LEMD2: variants seen among roughly 807,000 people sequenced by gnomAD.
LEMD2 encodes the protein LEM domain-containing protein 2.
A neutral mutation model predicts 58.8 loss-of-function variants in LEMD2; 34 were observed. The observed-to-expected ratio is 0.58, with a 90% CI of 0.44 to 0.77. The LOEUF (loss-of-function observed/expected upper bound fraction) is 0.77, where lower values mean the gene tolerates loss of function less well. Ranked by LOEUF, LEMD2 falls within the 30% of genes least tolerant of loss-of-function variation. The pLI is 0.00. For synonymous variants in LEMD2, 298 were observed against 308.9 expected, an observed-to-expected ratio of 0.96 and a Z score of 0.37; for missense variants, 629 against 717.9, an observed-to-expected ratio of 0.88 and a Z score of 1.42.
chr6:33,780,053 A>T, intron 5 of LEMD2, 47 bp downstream of exon 5: 1 of 1,466,150 alleles, frequency 6.8e-7, no homozygotes, highest in Non-Finnish European at 9.4e-7. Flanking sequence ...GAGCGAGGAC[A>T]GTGGTTGCAG....
intron 6 of LEMD2, among the ~76,000 whole-genome samples, chr6:33,777,814 T>C (rs1215261948): frequency 1.3e-5 from 2 of 152,338 alleles, no homozygotes; most frequent in Admixed American, 6.5e-5. Flanking sequence ...CCCTGAGTCC[T>C]TCTTGCTTTC....
intron 2 of LEMD2, 190 bp from the exon 3 acceptor site, chr6:33,784,617 C>G: frequency 3.7e-6 from 2 of 544,870 alleles, no homozygotes; most frequent in Non-Finnish European, 6.7e-6. Context: ...GGGTTAACTG[C>G]CTGAGAAAGA....
intron 8 of LEMD2, among the ~76,000 whole-genome samples, chr6:33,774,008 G>C (rs866824900): frequency 2.6e-5 from 4 of 152,168 alleles, no homozygotes; most frequent in Non-Finnish European, 5.9e-5. Flanking sequence ...GCAGCTCTGG[G>C]TATCTATGCT....
chr6:33,781,201 T>A (rs767654472), intron 3 of LEMD2, 48 bp from the exon 4 acceptor site: 1 of 1,198,976 alleles, frequency 8.3e-7, no homozygotes, highest in Non-Finnish European at 1.2e-6. Flanking sequence ...GAAAAATCAC[T>A]CTGAAACAGA....
chr6:33,771,632 G>C lies in LEMD2; in HGVS notation c.*996C>G, dbSNP rs996715214. 1 of 152,268 alleles carries C rather than the reference G, an allele frequency of 6.6e-6. No individual in the cohort carries two copies. Among genetic ancestry groups the C allele is most frequent in the Non-Finnish European group, 1.5e-5 (1 of 68,068 alleles). 9.4% of individuals were successfully genotyped at this position (152,268 alleles called of 1,614,324 possible). A position where few individuals can be genotyped will look rare whatever the true frequency, so the allele number is the denominator to read the frequency against. ...AGGGAGCAGGCTGAGGAGCTGGCGGGAGGGCCGGTGGGCGGCGGCGCGGAC... is the reference window on the plus strand; with the variant it reads ...AGGGAGCAGGCTGAGGAGCTGGCGGCAGGGCCGGTGGGCGGCGGCGCGGAC... On this transcript the variant is annotated 3_prime_UTR_variant, in exon 9 of 9. Coordinates refer to ENST00000293760, the MANE Select transcript of LEMD2 (RefSeq NM_181336.4).
At chr6:33,784,291 A>G in intron 3 of LEMD2, 61 bp downstream of exon 3, 1 of 1,308,538 alleles carries the variant, frequency 7.6e-7, no homozygotes, top group South Asian at 1.2e-5. Context: ...AGCCTGATGA[A>G]CCGGGTCAGC....
At chr6:33,788,320 G>A in intron 1 of LEMD2, 61 bp downstream of exon 1, 2 of 1,474,758 alleles carry the variant, frequency 1.4e-6, no homozygotes, top group East Asian at 2.7e-5. Flanking sequence ...ACAGGAACGG[G>A]GGGTCCTCCG....
chr6:33,780,503 G>A (rs1444161638), intron 4 of LEMD2, among the ~76,000 whole-genome samples: 3 of 152,200 alleles, frequency 2.0e-5, no homozygotes, highest in African/African-American at 7.2e-5. Flanking sequence ...GAATAACAGC[G>A]TTGTGGCTGG....
chr6:33,775,943 A>T (rs1231568361), intron 8 of LEMD2, among the ~76,000 whole-genome samples: 1 of 152,174 alleles, frequency 6.6e-6, no homozygotes, highest in East Asian at 1.9e-4. Flanking sequence ...AAACCACAGC[A>T]AGTGTCTGCT....
chr6:33,782,702 G>A (rs1159932452), intron 3 of LEMD2, among the ~76,000 whole-genome samples: 7 of 152,238 alleles, frequency 4.6e-5, no homozygotes, highest in African/African-American at 1.7e-4. Context: ...GAGGTAGGTG[G>A]CCTGTCTCTT....
In LEMD2 at chr6:33,784,447, G is replaced by T; in HGVS notation, c.778-20C>A. On this transcript the variant is annotated intron_variant, in intron 2 of 8. Coordinates refer to ENST00000293760, the MANE Select transcript of LEMD2 (RefSeq NM_181336.4). ...ACAGAACTGGAAAGGCACGGGACAAGTGGTCAGCAAGGAGGGGTGGGTGGG... is the reference window on the plus strand; with the variant it reads ...ACAGAACTGGAAAGGCACGGGACAATTGGTCAGCAAGGAGGGGTGGGTGGG... The T allele has an allele frequency of 9.5e-7, 1 of 1,048,836 alleles. No individual in the cohort carries two copies. The highest frequency in any genetic ancestry group is 4.5e-5 in the East Asian group (1 of 22,348). 65.0% of individuals were successfully genotyped at this position (1,048,836 alleles called of 1,614,324 possible).
chr6:33,788,715 C>G lies in LEMD2; in HGVS notation c.402G>C (p.Ser134=), dbSNP rs756336841. ...ARPAQLRRRA[S]VRGSSEEDED... is the part of the protein sequence containing the mutation. ...CGTCCTCCTCGGAGCTGCCCCGGAC[C>G]GAGGCGCGGCGCCTGAGTTGCGCCG... The change falls in exon 1 of 9, where the codon TCG becomes TCC. Residue 134 remains serine, a synonymous_variant. Coordinates refer to ENST00000293760, the MANE Select transcript of LEMD2 (RefSeq NM_181336.4). 7.0e-7 allele frequency: 1 copy of G among 1,421,608 alleles called. No homozygotes were observed. Among genetic ancestry groups the G allele is most frequent in the Non-Finnish European group, 9.2e-7 (1 of 1,087,936 alleles). 88.1% of individuals were successfully genotyped at this position (1,421,608 alleles called of 1,614,324 possible).
intron 1 of LEMD2, 94 bp from the exon 2 acceptor site, chr6:33,786,868 C>T: frequency 6.4e-7 from 1 of 1,560,318 alleles, no homozygotes; most frequent in South Asian, 1.2e-5. Context: ...GGGAGTAAAG[C>T]ATTACCAAGC....
Position 33,788,463 on chromosome 6 carries a change from G to A in LEMD2, c.654C>T (p.Ser218=). ...CCAGGAAGACGAGCAGTAGCCCTAG[G>A]CTGGCCCAGAGCAGAAGCCGAGAGA... ...RWLSRLLLWA[S]LGLLLVFLGI... Residue 218 remains serine (S), a synonymous_variant, in exon 1 of 9, where the codon AGC becomes AGT. Transcript: ENST00000293760. 6.4e-7 allele frequency: 1 copy of A among 1,568,998 alleles called. No homozygotes were observed.
In LEMD2 at chr6:33,789,079, A is replaced by T. The variant is rs878852983; in HGVS notation, c.38T>A (p.Leu13Gln). ...GLSDLELRRE[L>Q]QALGFQPGPI... ...TCCTGGCTGGAAGCCCAGGGCCTGC[A>T]GCTCCCGCCGCAGTTCCAGGTCCGA... The change falls in exon 1 of 9, where the codon CTG becomes CAG. Residue 13 changes from leucine (L) to glutamine (Q), a missense_variant. By Grantham distance (113) the Leu-to-Gln change is moderately radical. Around this residue, in one of 2 missense-constraint regions of LEMD2, gnomAD observed 386 missense variants for 381.1 expected, o/e 1.01. Coordinates refer to ENST00000293760, the MANE Select transcript of LEMD2 (RefSeq NM_181336.4). 2 of 1,541,262 alleles carry T rather than the reference A, an allele frequency of 1.3e-6. No individual in the cohort carries two copies. Among genetic ancestry groups the T allele is most frequent in the Non-Finnish European group, 1.7e-6 (2 of 1,153,848 alleles).
intron 4 of LEMD2, among the ~76,000 whole-genome samples, chr6:33,780,700 G>A (rs1012931815): frequency 5.3e-5 from 8 of 152,344 alleles, no homozygotes; most frequent in African/African-American, 1.7e-4. Context: ...AGGCCACACA[G>A]GAAATCAGAC....
In LEMD2 at chr6:33,778,698, C is replaced by A. The variant is rs2127379863; in HGVS notation, c.1011-311G>T. On this transcript the variant is annotated intron_variant, in intron 5 of 8. Transcript: ENST00000293760. The surrounding 1 kb of genome is among the most constrained non-coding windows in gnomAD (Gnocchi z 4.7). ...TGTAAATTGGATTCCCACCTCCCAG[C>A]ATAGAGAAATGGAAATGTTTACTGA... The A allele has an allele frequency of 3.9e-6, 1 of 253,350 alleles. No homozygotes were observed. The highest frequency in any genetic ancestry group is 7.1e-5 in the East Asian group (1 of 14,130). The allele number at this position is 253,350 out of a possible 1,614,324, so 15.7% of individuals were successfully genotyped here.
chr6:33,772,497 G>A lies in LEMD2; in HGVS notation c.*131C>T. ...CTCTGAAGAGTATGGCAGACCTTTG[G>A]AATCGTGTCAGGACGAGACTGAAAG... On this transcript the variant is annotated 3_prime_UTR_variant, in exon 9 of 9. Coordinates refer to ENST00000293760, the MANE Select transcript of LEMD2 (RefSeq NM_181336.4). The A allele has an allele frequency of 2.4e-6, 2 of 834,930 alleles. No homozygotes were observed. Among genetic ancestry groups the A allele is most frequent in the South Asian group, 3.6e-5 (2 of 55,830 alleles). The allele number at this position is 834,930 out of a possible 1,614,324, so 51.7% of individuals were successfully genotyped here.
intron 8 of LEMD2, chr6:33,776,742 T>A (rs1767438165): frequency 3.4e-6 from 2 of 591,444 alleles, no homozygotes; most frequent in African/African-American, 3.7e-5. Context: ...AGGTGTGGGA[T>A]TGTGCTTTCA....
Sources: gnomAD v4.1 joint callset for allele counts (sites outside exome capture counted in the v4.1 genomes callset) on GRCh38, gnomAD v4.1.1 for gene constraint, gnomAD v4.1.1 regional missense constraint, Gnocchi (gnomAD v3.1) non-coding constraint, MANE v1.5 for transcripts, NCBI Gene and HGNC (gene_info 2026-07-23, HGNC 2026-07-21) for gene names.